Variants in DDX42 observed in about 807,000 individuals in gnomAD.
DDX42 encodes DEAD-box helicase 42, also known as ATP-dependent RNA helicase DDX42.
In DDX42, 22 loss-of-function variants were observed where a neutral mutation model predicts 101.5. That is an observed-to-expected ratio of 0.22 (90% CI 0.15 to 0.31). DDX42 has a LOEUF of 0.31. Among genes scored for constraint, DDX42 ranks in the 10% least tolerant of loss-of-function variants. The probability of loss-of-function intolerance (pLI) is 1.00; values close to 1 mark genes in which losing one functional copy is unlikely to be tolerated. For synonymous variants in DDX42, 402 were observed against 401.2 expected, an observed-to-expected ratio of 1.00 and a Z score of -0.02; for missense variants, 849 against 1,199.9, an observed-to-expected ratio of 0.71 and a Z score of 4.32.
At position 63,778,548 on chromosome 17, in the gene DDX42, C is replaced by T. The variant is rs539652189; in HGVS notation, c.-17+4172C>T. On this transcript the variant is annotated intron_variant, in intron 1 of 17. Transcript: ENST00000389924. Reference sequence around the variant, plus strand: ...CTGCATCTGATTCCATTACTGTATCCTTAGCACCTTAGAGCAGTTACTGGC... The same window carrying T: ...CTGCATCTGATTCCATTACTGTATCTTTAGCACCTTAGAGCAGTTACTGGC... 2.1e-3 allele frequency among the ~76,000 whole-genome samples: 317 copies of T among 152,286 alleles called. 1 individual carries two copies. Among genetic ancestry groups the T allele is most frequent in the African/African-American group, 7.2e-3 (301 of 41,562 alleles).
In DDX42 at chr17:63,812,225, TCAA is replaced by T; in HGVS notation, c.1675+23_1675+25del. 2 of 1,605,322 alleles carry T rather than the reference TCAA, an allele frequency of 1.2e-6. No homozygotes were observed. The highest frequency in any genetic ancestry group is 1.7e-6 in the Non-Finnish European group (2 of 1,175,212). On this transcript the variant is annotated intron_variant, in intron 14 of 17. Coordinates refer to ENST00000389924, the MANE Select transcript of DDX42 (RefSeq NM_203499.3). ...ATGTTGCAGGTAGAGTATGAATTTT[TCAA>T]CAACATTAAGTTCCTAGGCTATAAG...
chr17:63,789,222 G>A (rs2039588936), intron 2 of DDX42, among the ~76,000 whole-genome samples: 1 of 151,568 alleles, frequency 6.6e-6, no homozygotes, highest in African/African-American at 2.4e-5. Context: ...GGGATTACAG[G>A]TGCCTGCCAC....
At chr17:63,793,110 G>A (rs573750727) in intron 3 of DDX42, among the ~76,000 whole-genome samples, 1 of 150,882 alleles carries the variant, frequency 6.6e-6, no homozygotes, top group South Asian at 2.1e-4. Context: ...TATTTTTATT[G>A]TGGAAAAATT....
At chr17:63,800,682 T>G in intron 6 of DDX42, 65 bp downstream of exon 6, 3 of 1,571,018 alleles carry the variant, frequency 1.9e-6, no homozygotes, top group Non-Finnish European at 2.6e-6. Context: ...GCTTTAACAT[T>G]TAGATTTTCT....
At chr17:63,800,970 CTTCT>C (rs1276655414) in intron 6 of DDX42, among the ~76,000 whole-genome samples, 10 of 101,740 alleles carry the variant, frequency 9.8e-5, no homozygotes, top group African/African-American at 3.4e-4. Context: ...TTTTTCTTTT[CTTCT>C]TTCTTTCTCC....
intron 7 of DDX42, 78 bp from the exon 8 acceptor site, chr17:63,806,457 C>G: frequency 3.5e-6 from 5 of 1,445,358 alleles, no homozygotes; most frequent in Non-Finnish European, 4.6e-6. Context: ...AATGCTAGAT[C>G]CAGGTAAGTA....
intron 1 of DDX42, among the ~76,000 whole-genome samples, chr17:63,778,812 T>C (rs1249789076): frequency 6.6e-6 from 1 of 152,160 alleles, no homozygotes; most frequent in Non-Finnish European, 1.5e-5. Flanking sequence ...GGCTAATTTT[T>C]GTATTTTTAG....
chr17:63,775,291 G>C (rs537361666), intron 1 of DDX42: 1 of 152,596 alleles, frequency 6.6e-6, no homozygotes, highest in African/African-American at 2.4e-5. Context: ...TGTGCAATTC[G>C]TTCATTCAAG....
At chr17:63,813,872 C>G (rs1429817034) in intron 15 of DDX42, among the ~76,000 whole-genome samples, 3 of 151,866 alleles carry the variant, frequency 2.0e-5, no homozygotes, top group African/African-American at 7.3e-5. Flanking sequence ...CAGAATCTCA[C>G]TCTATCGCCC....
At chr17:63,796,594 G>T (rs954128659) in intron 3 of DDX42, among the ~76,000 whole-genome samples, 16 of 152,344 alleles carry the variant, frequency 1.1e-4, no homozygotes, top group African/African-American at 3.8e-4. Context: ...GGGATTACGG[G>T]CGTGAGCCAC....
intron 15 of DDX42, among the ~76,000 whole-genome samples, chr17:63,814,802 G>T (rs1350854490): frequency 1.4e-5 from 2 of 147,546 alleles, no homozygotes; most frequent in Non-Finnish European, 3.0e-5. Flanking sequence ...CAGTTCTCCT[G>T]CCTCAGCCTC....
intron 10 of DDX42, 28 bp from the exon 11 acceptor site, chr17:63,809,532 C>G (rs1156979519): frequency 6.3e-7 from 1 of 1,587,028 alleles, no homozygotes; most frequent in Admixed American, 1.7e-5. Context: ...TTTAATTATA[C>G]TTACTGTTCA....
intron 1 of DDX42, among the ~76,000 whole-genome samples, chr17:63,777,785 C>A (rs1326463758): frequency 6.6e-6 from 1 of 152,026 alleles, no homozygotes; most frequent in Non-Finnish European, 1.5e-5. Flanking sequence ...ATATTCATGT[C>A]TTTAGGAGTT....
chr17:63,777,170 A>G (rs997002105), intron 1 of DDX42, among the ~76,000 whole-genome samples: 1 of 152,122 alleles, frequency 6.6e-6, no homozygotes, highest in African/African-American at 2.4e-5. Flanking sequence ...TGGCCTCCCA[A>G]AGGGCGAGGA....
At chr17:63,797,766 A>G (rs543367208) in intron 3 of DDX42, among the ~76,000 whole-genome samples, 1 of 152,222 alleles carries the variant, frequency 6.6e-6, no homozygotes, top group Non-Finnish European at 1.5e-5. Flanking sequence ...AAAGCAACTT[A>G]AGGTTATGTA....
rs968587935 is a variant in DDX42, at chr17:63,811,143, T to C, written c.1368T>C (p.Pro456=). 6.2e-7 allele frequency: 1 copy of C among 1,614,180 alleles called. No homozygotes were observed. Among genetic ancestry groups the C allele is most frequent in the Non-Finnish European group, 8.5e-7 (1 of 1,180,024 alleles). ...EKLARDILID[P]IRVVQGDIGE... Reference sequence around the variant, plus strand: ...TGGCCAGAGACATCCTGATCGACCCTATTCGAGTGGTGCAGGGAGATATTG... The same window carrying C: ...TGGCCAGAGACATCCTGATCGACCCCATTCGAGTGGTGCAGGGAGATATTG... The change falls in exon 13 of 18, where the codon CCT becomes CCC. Residue 456 remains proline (P), a synonymous_variant. Transcript: ENST00000389924.
rs1598327180 is a variant in DDX42, at chr17:63,789,553, GTTTTTGTTTTTGTTTTTGTTTTTTT to G, written c.221+2289_221+2313del. On this transcript the variant is annotated intron_variant, in intron 2 of 17. Coordinates refer to ENST00000389924, the MANE Select transcript of DDX42 (RefSeq NM_203499.3). ...AAAAAAGCTTCTAAAAGACTTTTTTGTTTTTGTTTTTGTTTTTGTTTTTTTTTTTTTTTTTTTGAGACAGAGTTTC... is the reference window on the plus strand; with the variant it reads ...AAAAAAGCTTCTAAAAGACTTTTTTGTTTTTTTTTTTTGAGACAGAGTTTC... Among the ~76,000 whole-genome samples, 6 of 28,656 alleles carry G rather than the reference GTTTTTGTTTTTGTTTTTGTTTTTTT, an allele frequency of 2.1e-4. No homozygotes were observed. The East Asian group carries it at 3.9e-3, about 19-fold the overall frequency. The allele number at this position is 28,656 out of a possible 152,430, so 18.8% of individuals were successfully genotyped here.
intron 5 of DDX42, 93 bp from the exon 6 acceptor site, chr17:63,800,375 G>A (rs187391914): frequency 4.0e-6 from 5 of 1,241,672 alleles, no homozygotes. Flanking sequence ...TGTTAACTGT[G>A]CAATTATCTG....
At chr17:63,795,914 T>C (rs774019150) in intron 3 of DDX42, among the ~76,000 whole-genome samples, 6 of 152,228 alleles carry the variant, frequency 3.9e-5, no homozygotes, top group Non-Finnish European at 8.8e-5. Context: ...TGAGTTCTTA[T>C]AGTGTTGTGT....
Sources: allele counts gnomAD v4.1 joint callset (sites outside exome capture counted in the v4.1 genomes callset), GRCh38; gene constraint gnomAD v4.1.1; transcripts MANE v1.5; gene names NCBI Gene and HGNC (gene_info 2026-07-23, HGNC 2026-07-21).